Variants in SPAST observed in about 807,000 individuals in gnomAD.
SPAST encodes spastic paraplegia 4 (autosomal dominant; spastin).
A neutral mutation model predicts 76.6 loss-of-function variants in SPAST; 30 were observed. The observed-to-expected ratio is 0.39, with a 90% CI of 0.29 to 0.53. The LOEUF is 0.53. Among genes scored for constraint, SPAST ranks in the 20% least tolerant of loss-of-function variants. The pLI, the probability that SPAST is intolerant of heterozygous loss-of-function variation, is 0.68. For synonymous variants in SPAST, 305 were observed against 281.0 expected, an observed-to-expected ratio of 1.09 and a Z score of -0.86; for missense variants, 717 against 770.5, an observed-to-expected ratio of 0.93 and a Z score of 0.82.
intron 7 of SPAST, among the ~76,000 whole-genome samples, chr2:32,119,737 C>G (rs553322168): frequency 6.6e-6 from 1 of 152,002 alleles, no homozygotes; most frequent in African/African-American, 2.4e-5. Context: ...TAGAACATGC[C>G]CTCTCCTCTC....
rs1349285017 is a variant in SPAST, at chr2:32,064,119, G to T, written c.288G>T (p.Ala96=). The T allele has an allele frequency of 1.9e-6, 3 of 1,592,332 alleles. No homozygotes were observed. The highest frequency in any genetic ancestry group is 2.7e-5 in the African/African-American group (2 of 74,398). The part of the protein sequence containing the change: ...LMAAKRSSGA[A]PAPASASAPA... Reference sequence around the variant, plus strand: ...CAGCCAAGAGGAGCTCCGGGGCCGCGCCAGCACCTGCCTCGGCCTCGGCCC... The same window carrying T: ...CAGCCAAGAGGAGCTCCGGGGCCGCTCCAGCACCTGCCTCGGCCTCGGCCC... The change falls in exon 1 of 17, where the codon GCG becomes GCT. Residue 96 remains alanine, a synonymous_variant. Coordinates refer to ENST00000315285, the MANE Select transcript of SPAST (RefSeq NM_014946.4).
intron 7 of SPAST, among the ~76,000 whole-genome samples, chr2:32,124,785 C>G (rs1337283047): frequency 6.6e-6 from 1 of 152,096 alleles, no homozygotes; most frequent in African/African-American, 2.4e-5. Flanking sequence ...TGAAAGAAGC[C>G]AGTCTGAAGA....
At chr2:32,110,354 G>A (rs1033438956) in intron 4 of SPAST, among the ~76,000 whole-genome samples, 10 of 149,114 alleles carry the variant, frequency 6.7e-5, no homozygotes, top group African/African-American at 1.2e-4. Flanking sequence ...TCCTGACCTC[G>A]TGATCCACCC....
intron 1 of SPAST, 129 bp downstream of exon 1, chr2:32,064,375 G>A: frequency 1.2e-6 from 1 of 835,298 alleles, no homozygotes; most frequent in South Asian, 1.7e-5. Flanking sequence ...ATATGCCCCG[G>A]GAGACTGCTT....
At chr2:32,133,077 T>C (rs1382306943) in intron 9 of SPAST, among the ~76,000 whole-genome samples, 1 of 151,762 alleles carries the variant, frequency 6.6e-6, no homozygotes. Context: ...TTGTGTAATA[T>C]TATGTAGATG....
chr2:32,128,387 T>A (rs746065836), intron 8 of SPAST, 21 bp from the exon 9 acceptor site: 2 of 1,533,666 alleles, frequency 1.3e-6, no homozygotes, highest in South Asian at 1.1e-5. Context: ...AATTTAATAT[T>A]TGCTCTTGTG....
At chr2:32,128,822 G>T (rs763661279) in intron 9 of SPAST, 6 of 318,932 alleles carry the variant, frequency 1.9e-5, no homozygotes, top group Non-Finnish European at 3.0e-5. Flanking sequence ...GAAAATGTAT[G>T]TTGTGTGCCT....
At chr2:32,084,028 T>C (rs547844071) in intron 1 of SPAST, among the ~76,000 whole-genome samples, 6 of 150,912 alleles carry the variant, frequency 4.0e-5, no homozygotes, top group African/African-American at 9.7e-5. Context: ...ATCCACCCGC[T>C]TCAGCCTCCC....
chr2:32,064,646 C>T (rs1362277161), intron 1 of SPAST, among the ~76,000 whole-genome samples: 1 of 152,126 alleles, frequency 6.6e-6, no homozygotes, highest in Non-Finnish European at 1.5e-5. Context: ...GAAGCAGTGC[C>T]GCCTTACTGG....
intron 10 of SPAST, 21 bp from the exon 11 acceptor site, chr2:32,136,856 T>G: frequency 6.3e-7 from 1 of 1,587,660 alleles, no homozygotes. Context: ...AATTAAAGTC[T>G]TATACTTGTA....
Position 32,115,738 on chromosome 2 carries a change from A to G in SPAST, c.907A>G (p.Thr303Ala). ...AACAAATAGGACAAATAAACCTTCT[A>G]CCCCTACAACTGCTACTCGTAAGAA... ...PKTNRTNKPS[T>A]PTTATRKKKD... Residue 303 changes from threonine to alanine, a missense_variant, in exon 6 of 17, where the codon ACC (threonine) becomes GCC (alanine). Physicochemically the swap from Thr to Ala is moderately conservative, Grantham distance 58. This residue lies in a region of SPAST where 543 missense variants were observed against 445.2 expected (regional missense o/e 1.22). Transcript: ENST00000315285. 6.2e-7 allele frequency: 1 copy of G among 1,611,092 alleles called. No homozygotes were observed. The highest frequency in any genetic ancestry group is 8.5e-7 in the Non-Finnish European group (1 of 1,177,640).
At chr2:32,118,149 G>A (rs919781559) in intron 7 of SPAST, among the ~76,000 whole-genome samples, 2 of 152,130 alleles carry the variant, frequency 1.3e-5, no homozygotes, top group Non-Finnish European at 2.9e-5. Flanking sequence ...AACATGTAGT[G>A]GAAATAAGTT....
At chr2:32,127,365 A>G (rs1679230855) in intron 8 of SPAST, 3 of 317,206 alleles carry the variant, frequency 9.5e-6, no homozygotes, top group Non-Finnish European at 1.8e-5. Context: ...CAGTCCTCCT[A>G]CCTGGGCCTC....
At chr2:32,128,785 G>A (rs1370919014) in intron 9 of SPAST, 1 of 375,562 alleles carries the variant, frequency 2.7e-6, no homozygotes, top group African/African-American at 2.1e-5. Flanking sequence ...ATGTTGGCAG[G>A]GTTGCTTCCT....
chr2:32,098,485 T>C (rs1264351770), intron 3 of SPAST, among the ~76,000 whole-genome samples: 1 of 152,152 alleles, frequency 6.6e-6, no homozygotes, highest in African/African-American at 2.4e-5. Context: ...TGGTATTTGT[T>C]TTGGACGTAT....
At chr2:32,148,239 A>G (rs1679959867) in intron 16 of SPAST, among the ~76,000 whole-genome samples, 1 of 152,086 alleles carries the variant, frequency 6.6e-6, no homozygotes, top group African/African-American at 2.4e-5. Flanking sequence ...CTAGTTGATT[A>G]GAAGCTAGAA....
intron 1 of SPAST, among the ~76,000 whole-genome samples, chr2:32,084,902 A>G (rs953918459): frequency 7.9e-5 from 12 of 151,444 alleles, no homozygotes; most frequent in East Asian, 3.9e-4. Context: ...AAAAAAAAAA[A>G]AAAAAAAAGG....
chr2:32,116,546 A>T (rs1017827795), intron 7 of SPAST, among the ~76,000 whole-genome samples: 1 of 151,982 alleles, frequency 6.6e-6, no homozygotes, highest in Non-Finnish European at 1.5e-5. Flanking sequence ...GCTCACTGCA[A>T]CCTCTGCGTC....
intron 4 of SPAST, among the ~76,000 whole-genome samples, chr2:32,110,509 GTA>G (rs1230594748): frequency 2.0e-5 from 1 of 50,612 alleles, no homozygotes; most frequent in Non-Finnish European, 3.9e-5. Context: ...AGTATATATA[GTA>G]TATATATACT....
Sources: allele counts gnomAD v4.1 joint callset (sites outside exome capture counted in the v4.1 genomes callset), GRCh38; gene constraint gnomAD v4.1.1; regional missense constraint gnomAD v4.1.1; transcripts MANE v1.5; gene names NCBI Gene and HGNC (gene_info 2026-07-23, HGNC 2026-07-21).